Variants in FETUB observed in about 807,000 individuals in gnomAD.
FETUB encodes fetuin-B.
In FETUB, 28 loss-of-function variants were observed where a neutral mutation model predicts 30.9. The ratio of observed to expected loss-of-function variants is 0.90; its 90% CI spans 0.67 to 1.24. The LOEUF (loss-of-function observed/expected upper bound fraction) is 1.24. Among genes scored for constraint, FETUB ranks in the 50% most tolerant of loss-of-function variants. FETUB has a pLI of 0.00. For synonymous variants in FETUB, 186 were observed against 175.9 expected, an observed-to-expected ratio of 1.06 and a Z score of -0.45; for missense variants, 469 against 455.3, an observed-to-expected ratio of 1.03 and a Z score of -0.27.
intron 6 of FETUB, 195 bp downstream of exon 6, chr3:186,651,496 T>C (rs1718035961): frequency 1.8e-6 from 1 of 569,048 alleles, no homozygotes; most frequent in East Asian, 3.0e-5. Context: ...AATATGGTCC[T>C]GCAGAATAAG....
At position 186,652,954 on chromosome 3, in the gene FETUB, T is replaced by C. The variant is rs573831635; in HGVS notation, c.*323T>C. ...ATACTTATCTTTTCAGCAGTATATATGTGCTGAAATCTCAGCATGAAAGCA... is the reference window on the plus strand; with the variant it reads ...ATACTTATCTTTTCAGCAGTATATACGTGCTGAAATCTCAGCATGAAAGCA... On this transcript the variant is annotated 3_prime_UTR_variant, in exon 7 of 7. Coordinates refer to ENST00000265029, the MANE Select transcript of FETUB (RefSeq NM_014375.3). 8.0e-5 allele frequency: 17 copies of C among 213,338 alleles called. No homozygotes were observed. Among genetic ancestry groups the C allele is most frequent in the Admixed American group, 7.9e-4 (15 of 19,046 alleles). The allele number at this position is 213,338 out of a possible 1,614,324, so 13.2% of individuals were successfully genotyped here.
intron 5 of FETUB, 131 bp from the exon 6 acceptor site, chr3:186,651,087 C>A: frequency 1.6e-6 from 1 of 638,202 alleles, no homozygotes; most frequent in Non-Finnish European, 2.8e-6. Flanking sequence ...AGAATTGACT[C>A]AGAGTCTACC....
At position 186,650,007 on chromosome 3, in the gene FETUB, T is replaced by G. The variant is rs981512961; in HGVS notation, c.697-1211T>G. On this transcript the variant is annotated intron_variant, in intron 5 of 6. Coordinates refer to ENST00000265029, the MANE Select transcript of FETUB (RefSeq NM_014375.3). ...TTATAGCTGAGTGGTATTCCATGGGTGTGTGTGTGTGTGCACACACACACA... is the reference window on the plus strand; with the variant it reads ...TTATAGCTGAGTGGTATTCCATGGGGGTGTGTGTGTGTGCACACACACACA... Among the ~76,000 whole-genome samples, 10 of 151,512 alleles carry G rather than the reference T, an allele frequency of 6.6e-5. No homozygotes were observed. In the East Asian group the frequency reaches 1.7e-3, roughly 26 times the overall value.
upstream of FETUB, among the ~76,000 whole-genome samples, chr3:186,637,515 C>T (rs1264332453): frequency 6.6e-6 from 1 of 152,234 alleles, no homozygotes; most frequent in Admixed American, 6.5e-5. Flanking sequence ...TCCCTGTTCT[C>T]AAATCAATAA....
upstream of FETUB, chr3:186,636,158 C>T (rs1215219527): frequency 3.3e-5 from 5 of 152,318 alleles, no homozygotes; most frequent in Admixed American, 3.3e-4. Context: ...GAGGCCCTGG[C>T]TCGGGAGCTG....
chr3:186,646,723 T>C (rs980608534), intron 5 of FETUB, among the ~76,000 whole-genome samples: 1 of 152,218 alleles, frequency 6.6e-6, no homozygotes, highest in Admixed American at 6.5e-5. Context: ...AGAGGGAAAG[T>C]ATGCCTTGAA....
At chr3:186,644,464 G>C (rs995711626) in intron 3 of FETUB, among the ~76,000 whole-genome samples, 6 of 152,206 alleles carry the variant, frequency 3.9e-5, no homozygotes, top group African/African-American at 1.4e-4. Flanking sequence ...AGAAAAGATA[G>C]TGAACTAGTT....
chr3:186,652,507 C>T lies in FETUB; in HGVS notation c.1025C>T (p.Ser342Phe). The change falls in exon 7 of 7, where the codon TCC becomes TTC. Residue 342 changes from serine to phenylalanine, a missense_variant. Transcript: ENST00000265029. ...TNPQGETLDI[S>F]FLFLEPMEEK... ...CCCCAGGGAGAAACCCTGGATATTT[C>T]CTTCCTCTTCCTGGAGCCTATGGAG... is the stretch of plus-strand genomic sequence containing the variant. 6.2e-7 allele frequency: 1 copy of T among 1,614,160 alleles called. No individual in the cohort carries two copies. Among genetic ancestry groups the T allele is most frequent in the Non-Finnish European group, 8.5e-7 (1 of 1,180,034 alleles).
chr3:186,639,974 A>G (rs1323648961), upstream of FETUB, among the ~76,000 whole-genome samples: 1 of 152,152 alleles, frequency 6.6e-6, no homozygotes, highest in African/African-American at 2.4e-5. Flanking sequence ...GGGTTCAACT[A>G]CCTCCCTGAT....
chr3:186,646,335 T>C lies in FETUB; in HGVS notation c.682T>C (p.Ser228Pro). ...CCAGGCCAGCAGCTGTTCACTTCAG[T>C]CCTCCGACTCTGTGGTGAGTTTTCC... is the stretch of plus-strand genomic sequence containing the variant. ...KSQASSCSLQ[S>P]SDSVPVGLCK... Residue 228 changes from serine (S) to proline (P), a missense_variant, in exon 5 of 7, where the codon TCC becomes CCC. Transcript: ENST00000265029. 1.2e-6 allele frequency: 2 copies of C among 1,612,250 alleles called. No homozygotes were observed. Among genetic ancestry groups the C allele is most frequent in the Non-Finnish European group, 1.7e-6 (2 of 1,178,278 alleles).
At position 186,640,634 on chromosome 3, in the gene FETUB, T is replaced by A; in HGVS notation, c.174T>A (p.Asp58Glu). 6.2e-7 allele frequency: 1 copy of A among 1,614,134 alleles called. No homozygotes were observed. Residue 58 changes from aspartate (D) to glutamate (E), a missense_variant, in exon 1 of 7, where the codon GAT (aspartate) becomes GAA (glutamate). Physicochemically the swap from Asp to Glu is conservative, Grantham distance 45 (BLOSUM62 2). Transcript: ENST00000265029. ...ALRDINKDRK[D>E]GYVLRLNRVN... is the part of the protein sequence containing the mutation. ...GGGATATTAACAAAGACAGAAAGGATGGCTATGTGCTGAGACTCAACCGAG... is the reference window on the plus strand; with the variant it reads ...GGGATATTAACAAAGACAGAAAGGAAGGCTATGTGCTGAGACTCAACCGAG...
In FETUB at chr3:186,644,747, A is replaced by G; in HGVS notation, c.425-4A>G. On this transcript the variant is annotated splice_region_variant and splice_polypyrimidine_tract_variant and intron_variant, in intron 3 of 6. Coordinates refer to ENST00000265029, the MANE Select transcript of FETUB (RefSeq NM_014375.3). ...TTAAAAACTTATGTTATTGGCATCAACAGTTTCAAAAAAAAAGATTTACAT... is the reference window on the plus strand; with the variant it reads ...TTAAAAACTTATGTTATTGGCATCAGCAGTTTCAAAAAAAAAGATTTACAT... 1 of 1,592,412 alleles carries G rather than the reference A, an allele frequency of 6.3e-7. No individual in the cohort carries two copies.
intron 1 of FETUB, 61 bp from the exon 2 acceptor site, chr3:186,640,969 T>C: frequency 9.3e-7 from 1 of 1,080,890 alleles, no homozygotes; most frequent in Non-Finnish European, 1.4e-6. Context: ...TTTTTTTGTG[T>C]GGTCTTTCTA....
chr3:186,647,045 C>T (rs1430275327), intron 5 of FETUB: 1 of 152,236 alleles, frequency 6.6e-6, no homozygotes, highest in African/African-American at 2.4e-5. Context: ...CACTTACCTA[C>T]TTTCTGTTTC....
chr3:186,650,170 TGGG>T (rs10618470), intron 5 of FETUB, among the ~76,000 whole-genome samples: 16,576 of 65,642 alleles, frequency 0.25, 1,225 homozygotes, highest in African/African-American at 0.33. Flanking sequence ...TTGGCGGGGG[TGGG>T]GGGGGGGGGT....
chr3:186,637,369 C>G (rs1244629402), upstream of FETUB, among the ~76,000 whole-genome samples: 1 of 152,302 alleles, frequency 6.6e-6, no homozygotes, highest in South Asian at 2.1e-4. Context: ...TGGCTGCCGT[C>G]CAGTTTTGCT....
At position 186,646,299 on chromosome 3, in the gene FETUB, T is replaced by G. The variant is rs139353499; in HGVS notation, c.646T>G (p.Cys216Gly). The G allele has an allele frequency of 8.7e-6, 14 of 1,614,112 alleles. No individual in the cohort carries two copies. Among genetic ancestry groups the G allele is most frequent in the Admixed American group, 1.7e-5 (1 of 60,028 alleles). The change falls in exon 5 of 7, where the codon TGT (cysteine) becomes GGT (glycine). Residue 216 changes from cysteine to glycine, a missense_variant. Physicochemically the swap from Cys to Gly is radical, Grantham distance 159. Coordinates refer to ENST00000265029, the MANE Select transcript of FETUB (RefSeq NM_014375.3). ...GGAATACTTAATTAAAGAATCACCA[T>G]GTACTAAATCCCAGGCCAGCAGCTG... ...FVEYLIKESP[C>G]TKSQASSCSL...
chr3:186,652,449 G>T lies in FETUB; in HGVS notation c.967G>T (p.Ala323Ser). ...KNSQEKGPQEAFPVHLDLTTN... is the reference protein window; with the variant it reads ...KNSQEKGPQESFPVHLDLTTN... ...TTCCCAGGAAAAGGGCCCTCAGGAG[G>T]CCTTTCCTGTGCATCTGGACCTAAC... The change falls in exon 7 of 7, where the codon GCC (alanine) becomes TCC (serine). Residue 323 changes from alanine to serine, a missense_variant. Ala to Ser is a moderately conservative substitution (Grantham distance 99, BLOSUM62 1). Transcript: ENST00000265029. 1.2e-6 allele frequency: 2 copies of T among 1,614,020 alleles called. No individual in the cohort carries two copies. Among genetic ancestry groups the T allele is most frequent in the Non-Finnish European group, 8.5e-7 (1 of 1,179,942 alleles).
Position 186,648,838 on chromosome 3 carries a change from A to G in FETUB, c.697-2380A>G, listed in dbSNP as rs536512289. Among the ~76,000 whole-genome samples, 3 of 152,314 alleles carry G rather than the reference A, an allele frequency of 2.0e-5. No individual in the cohort carries two copies. The South Asian group carries it at 6.2e-4, about 32-fold the overall frequency. On this transcript the variant is annotated intron_variant, in intron 5 of 6. Coordinates refer to ENST00000265029, the MANE Select transcript of FETUB (RefSeq NM_014375.3). ...TGTAGAAAGACGATTGATTTTTTAT[A>G]TTGATCTTATATATTATAACCTTGA... is the stretch of plus-strand genomic sequence containing the variant.
Sources: gnomAD v4.1 joint callset for allele counts (sites outside exome capture counted in the v4.1 genomes callset) on GRCh38, gnomAD v4.1.1 for gene constraint, MANE v1.5 for transcripts, NCBI Gene and HGNC (gene_info 2026-07-23, HGNC 2026-07-21) for gene names.